Variants in COL19A1 observed in about 807,000 individuals in gnomAD.
COL19A1 encodes collagen alpha-1(XIX) chain.
A neutral mutation model predicts 190.2 loss-of-function variants in COL19A1; 159 were observed. That is an observed-to-expected ratio of 0.84 (90% CI 0.73 to 0.95). The LOEUF (loss-of-function observed/expected upper bound fraction) is 0.95. Among genes scored for constraint, COL19A1 ranks in the 40% least tolerant of loss-of-function variants. The pLI, the probability that COL19A1 is intolerant of heterozygous loss-of-function variation, is 0.00. For synonymous variants in COL19A1, 509 were observed against 458.9 expected (o/e 1.11, Z -1.39); for missense variants, 1,418 against 1,431.9 (o/e 0.99, Z 0.16).
In COL19A1 at chr6:70,188,287, G is replaced by A. The variant is rs9454996; in HGVS notation, c.3027+42G>A. On this transcript the variant is annotated intron_variant, in intron 47 of 50. Coordinates refer to ENST00000620364, the MANE Select transcript of COL19A1 (RefSeq NM_001858.6). ...CGCTTTAGGGCTCCTGGCTTGTACC[G>A]ACCATGTATCCCTTTTACAATGAAA... The A allele has an allele frequency of 1.7e-3, 2,596 of 1,540,340 alleles. 36 individuals are homozygous for A. The African/African-American group carries it at 0.029, about 17-fold the overall frequency.
At chr6:70,177,353 C>A (rs1399197014) in intron 42 of COL19A1, among the ~76,000 whole-genome samples, 3 of 151,940 alleles carry the variant, frequency 2.0e-5, no homozygotes, top group Non-Finnish European at 4.4e-5. Context: ...AAAGGCCCTA[C>A]AATCACCACC....
In COL19A1 at chr6:70,210,835, T is replaced by C. The variant is rs1349726463; in HGVS notation, c.*3561T>C. On this transcript the variant is annotated 3_prime_UTR_variant, in exon 51 of 51. Transcript: ENST00000620364. ...TAATTTGTTTTGTTAATTTATGTTT[T>C]TCCTAATTTTAAGCATCTTTATGAA... 2.6e-5 allele frequency among the ~76,000 whole-genome samples: 4 copies of C among 152,154 alleles called. No homozygotes were observed. Among genetic ancestry groups the C allele is most frequent in the Admixed American group, 2.6e-4 (4 of 15,270 alleles).
intron 34 of COL19A1, among the ~76,000 whole-genome samples, chr6:70,157,622 G>C (rs967348021): frequency 6.6e-6 from 1 of 151,448 alleles, no homozygotes; most frequent in African/African-American, 2.4e-5. Flanking sequence ...AAAACTTTGA[G>C]GTTTGATTTT....
At chr6:70,106,241 T>C (rs1210016402) in intron 16 of COL19A1, among the ~76,000 whole-genome samples, 1 of 152,080 alleles carries the variant, frequency 6.6e-6, no homozygotes, top group Non-Finnish European at 1.5e-5. Flanking sequence ...GAAGCCAAAT[T>C]AGTATATTCT....
At chr6:70,110,554 C>T (rs1463776924) in intron 16 of COL19A1, among the ~76,000 whole-genome samples, 1 of 152,060 alleles carries the variant, frequency 6.6e-6, no homozygotes, top group East Asian at 1.9e-4. Context: ...GGTAATGGTC[C>T]CAGACAAAAC....
intron 2 of COL19A1, among the ~76,000 whole-genome samples, chr6:69,894,719 A>G (rs1769597521): frequency 6.6e-6 from 1 of 152,198 alleles, no homozygotes; most frequent in Non-Finnish European, 1.5e-5. Context: ...GGATTGCTAA[A>G]CAAAGCCTTG....
At chr6:69,971,431 G>T (rs530703758) in intron 11 of COL19A1, among the ~76,000 whole-genome samples, 1 of 152,162 alleles carries the variant, frequency 6.6e-6, no homozygotes, top group African/African-American at 2.4e-5. Context: ...AAGAGGCCAT[G>T]CAGAAAAACC....
At chr6:70,005,274 A>G (rs1777546742) in intron 11 of COL19A1, among the ~76,000 whole-genome samples, 1 of 152,068 alleles carries the variant, frequency 6.6e-6, no homozygotes, top group Non-Finnish European at 1.5e-5. Context: ...ATTGTTTCTC[A>G]TCTTCATGAG....
chr6:70,117,265 G>T (rs528159257), intron 16 of COL19A1, among the ~76,000 whole-genome samples: 5 of 152,260 alleles, frequency 3.3e-5, no homozygotes, highest in African/African-American at 1.2e-4. Flanking sequence ...GGGTGAATTG[G>T]CTAAAAAGTG....
Position 70,008,344 on chromosome 6 carries a change from A to G in COL19A1, c.1027-15283A>G, listed in dbSNP as rs117696500. On this transcript the variant is annotated intron_variant, in intron 11 of 50. Transcript: ENST00000620364. ...AAAGAAAAAATTACCAGTAACTACAATGAGGGAGGGGACACCACTACAGAC... is the reference window on the plus strand; with the variant it reads ...AAAGAAAAAATTACCAGTAACTACAGTGAGGGAGGGGACACCACTACAGAC... 5.3e-3 allele frequency among the ~76,000 whole-genome samples: 801 copies of G among 151,986 alleles called. 4 individuals carry two copies. Among genetic ancestry groups the G allele is most frequent in the Non-Finnish European group, 8.3e-3 (562 of 67,786 alleles).
chr6:70,145,318 A>G (rs1236125587), intron 25 of COL19A1, among the ~76,000 whole-genome samples: 1 of 152,182 alleles, frequency 6.6e-6, no homozygotes, highest in Admixed American at 6.6e-5. Context: ...AATGTGATAC[A>G]TACAACCATG....
At chr6:70,076,717 G>T (rs1158375551) in intron 15 of COL19A1, among the ~76,000 whole-genome samples, 1 of 152,178 alleles carries the variant, frequency 6.6e-6, no homozygotes, top group Admixed American at 6.5e-5. Flanking sequence ...TAAGCCGGAA[G>T]CACTTTAAAT....
chr6:69,917,549 G>A (rs772077770), intron 4 of COL19A1, among the ~76,000 whole-genome samples: 17 of 152,056 alleles, frequency 1.1e-4, no homozygotes, highest in Admixed American at 1.0e-3. Flanking sequence ...TCCACAAAAC[G>A]GGCAATAAAT....
At chr6:70,006,823 A>G (rs1777660818) in intron 11 of COL19A1, among the ~76,000 whole-genome samples, 1 of 152,132 alleles carries the variant, frequency 6.6e-6, no homozygotes, top group Admixed American at 6.5e-5. Context: ...TGGAGAGGAA[A>G]TACATCTAAA....
chr6:69,901,706 ATAACT>A (rs951594850), intron 4 of COL19A1, among the ~76,000 whole-genome samples: 1 of 152,242 alleles, frequency 6.6e-6, no homozygotes, highest in Non-Finnish European at 1.5e-5. Context: ...CTAGGAGTAG[ATAACT>A]TTAATTAATA....
Position 69,976,260 on chromosome 6 carries a change from T to G in COL19A1, c.1026+13390T>G, listed in dbSNP as rs372785705. Among the ~76,000 whole-genome samples the G allele has an allele frequency of 6.6e-5, 10 of 152,122 alleles. No homozygotes were observed. In the East Asian group the frequency reaches 1.5e-3, roughly 23 times the overall value. ...TTAACGTCTGTCTTGGTCTCAAGAGTGGTTATCTAGAATTAATGAATTAAA... is the reference window on the plus strand; with the variant it reads ...TTAACGTCTGTCTTGGTCTCAAGAGGGGTTATCTAGAATTAATGAATTAAA... On this transcript the variant is annotated intron_variant, in intron 11 of 50. Coordinates refer to ENST00000620364, the MANE Select transcript of COL19A1 (RefSeq NM_001858.6).
intron 2 of COL19A1, among the ~76,000 whole-genome samples, chr6:69,886,512 T>C (rs966985296): frequency 2.0e-5 from 3 of 152,116 alleles, no homozygotes; most frequent in Admixed American, 2.0e-4. Flanking sequence ...CCCTACCTTG[T>C]GAAGATATAT....
intron 19 of COL19A1, 86 bp from the exon 20 acceptor site, chr6:70,140,868 T>C: frequency 1.6e-6 from 2 of 1,247,766 alleles, no homozygotes; most frequent in Non-Finnish European, 2.3e-6. Context: ...GGAATCTGAG[T>C]TTGGCCTATA....
intron 11 of COL19A1, among the ~76,000 whole-genome samples, chr6:69,991,479 G>T (rs1191777617): frequency 3.3e-5 from 5 of 152,028 alleles, no homozygotes; most frequent in Admixed American, 6.6e-5. Flanking sequence ...TTTCACAGTG[G>T]CTGAAATAGT....
Sources: gnomAD v4.1 joint callset for allele counts (sites outside exome capture counted in the v4.1 genomes callset) on GRCh38, gnomAD v4.1.1 for gene constraint, MANE v1.5 for transcripts, NCBI Gene and HGNC (gene_info 2026-07-23, HGNC 2026-07-21) for gene names.